The following ARHGAP42 variants were observed in gnomAD, a reference collection of about 807,000 sequenced individuals.
ARHGAP42 encodes Rho GTPase activating protein 42, also known as rho GTPase-activating protein 42.
In ARHGAP42, 63 loss-of-function variants were observed where a neutral mutation model predicts 125.0. The ratio of observed to expected loss-of-function variants is 0.50; its 90% CI spans 0.41 to 0.62. The LOEUF is 0.62. Among genes scored for constraint, ARHGAP42 ranks in the 20% least tolerant of loss-of-function variants. The pLI is 0.00. For synonymous variants in ARHGAP42, 339 were observed against 351.0 expected (o/e 0.97, Z 0.38); for missense variants, 766 against 1,024.2 (o/e 0.75, Z 3.44).
At chr11:100,714,395 G>A (rs1044435154) in intron 1 of ARHGAP42, among the ~76,000 whole-genome samples, 2 of 85,966 alleles carry the variant, frequency 2.3e-5, no homozygotes, top group Non-Finnish European at 4.5e-5. Context: ...AAATTTGTGT[G>A]TGTGTGTGTG....
intron 3 of ARHGAP42, among the ~76,000 whole-genome samples, chr11:100,825,211 G>T (rs1163799581): frequency 6.6e-6 from 1 of 152,106 alleles, no homozygotes; most frequent in Non-Finnish European, 1.5e-5. Flanking sequence ...TAATGTAGAT[G>T]CTTTCAGGCT....
chr11:100,717,497 C>G (rs377480123), intron 1 of ARHGAP42, among the ~76,000 whole-genome samples: 5 of 151,780 alleles, frequency 3.3e-5, no homozygotes, highest in Admixed American at 6.6e-5. Context: ...ATTAGCTGGA[C>G]GTGGTGGCGG....
At chr11:100,789,483 C>A (rs1958108573) in intron 2 of ARHGAP42, among the ~76,000 whole-genome samples, 1 of 152,168 alleles carries the variant, frequency 6.6e-6, no homozygotes, top group African/African-American at 2.4e-5. Flanking sequence ...TCTCTCTGGG[C>A]ATGAGTGAGC....
At chr11:100,974,406 A>G in intron 18 of ARHGAP42, 53 bp from the exon 19 acceptor site, 1 of 1,503,134 alleles carries the variant, frequency 6.7e-7, no homozygotes, top group Non-Finnish European at 9.0e-7. Context: ...TTTTATAATG[A>G]AAGTGGCAAT....
At chr11:100,777,001 A>T (rs899569487) in intron 2 of ARHGAP42, among the ~76,000 whole-genome samples, 1 of 145,270 alleles carries the variant, frequency 6.9e-6, no homozygotes, top group Non-Finnish European at 1.5e-5. Context: ...AAAAAAAAAA[A>T]CACGAAGAGC....
chr11:100,984,907 A>G (rs894773538), intron 22 of ARHGAP42, among the ~76,000 whole-genome samples: 1 of 152,226 alleles, frequency 6.6e-6, no homozygotes, highest in East Asian at 1.9e-4. Flanking sequence ...CAGAGTCTAC[A>G]TTAAATCATC....
intron 2 of ARHGAP42, among the ~76,000 whole-genome samples, chr11:100,779,980 T>G (rs1215122087): frequency 6.6e-6 from 1 of 151,580 alleles, no homozygotes; most frequent in Non-Finnish European, 1.5e-5. Flanking sequence ...GATCCAAGAT[T>G]GCGCCACTGC....
At chr11:100,837,666 C>CTTTTTTTTTTTTGTTT (rs1864831534) in intron 3 of ARHGAP42, among the ~76,000 whole-genome samples, 1 of 61,042 alleles carries the variant, frequency 1.6e-5, no homozygotes, top group Non-Finnish European at 3.0e-5. Context: ...AGGTGTCATC[C>CTTTTTTTTTTTTGTTT]TTTTTTTTTT....
intron 3 of ARHGAP42, among the ~76,000 whole-genome samples, chr11:100,817,648 G>C (rs1437992112): frequency 2.0e-5 from 3 of 152,130 alleles, no homozygotes; most frequent in Admixed American, 2.0e-4. Context: ...GTATAAGCCA[G>C]ACATTACTCT....
At chr11:100,837,270 G>A (rs912996262) in intron 3 of ARHGAP42, among the ~76,000 whole-genome samples, 1 of 151,882 alleles carries the variant, frequency 6.6e-6, no homozygotes, top group Non-Finnish European at 1.5e-5. Context: ...AAATTAGGAA[G>A]TTTAACACAG....
intron 3 of ARHGAP42, among the ~76,000 whole-genome samples, chr11:100,816,389 G>A (rs573203678): frequency 6.6e-6 from 1 of 152,172 alleles, no homozygotes; most frequent in East Asian, 1.9e-4. Context: ...TCTTAGACAT[G>A]GTTGGGGTGG....
chr11:100,766,523 G>A (rs1862833192), intron 1 of ARHGAP42, among the ~76,000 whole-genome samples: 1 of 152,076 alleles, frequency 6.6e-6, no homozygotes, highest in African/African-American at 2.4e-5. Context: ...TCTGTTTTTT[G>A]TGCTGGGTCA....
intron 2 of ARHGAP42, among the ~76,000 whole-genome samples, chr11:100,782,496 A>G (rs1228199348): frequency 6.6e-6 from 1 of 152,244 alleles, no homozygotes; most frequent in South Asian, 2.1e-4. Context: ...AATGGAACTA[A>G]TTGGCAAAAA....
At chr11:100,953,404 T>A (rs974508566) in intron 12 of ARHGAP42, among the ~76,000 whole-genome samples, 1 of 152,220 alleles carries the variant, frequency 6.6e-6, no homozygotes, top group South Asian at 2.1e-4. Context: ...GTAAAATATA[T>A]AACTTAGGTA....
At chr11:100,848,686 A>G (rs1487465969) in intron 3 of ARHGAP42, among the ~76,000 whole-genome samples, 1 of 151,828 alleles carries the variant, frequency 6.6e-6, no homozygotes, top group South Asian at 2.1e-4. Context: ...TTTTATTTTT[A>G]GTAGAGACAG....
At chr11:100,915,608 A>G (rs145031588) in intron 5 of ARHGAP42, among the ~76,000 whole-genome samples, 1 of 152,214 alleles carries the variant, frequency 6.6e-6, no homozygotes, top group African/African-American at 2.4e-5. Flanking sequence ...ACTTAGCTCA[A>G]TATTCATTAC....
In ARHGAP42 at chr11:100,935,675, C is replaced by CAGAGAGAG. The variant is rs200179371; in HGVS notation, c.703-527_703-526insGAGAGAGA. ...AGAAGGTCACACACACACACACACA[C>CAGAGAGAG]ACAGAGAGAGAGAGAGAGAGATTCA... On this transcript the variant is annotated intron_variant, in intron 7 of 23. Transcript: ENST00000298815. 6.7e-5 allele frequency among the ~76,000 whole-genome samples: 7 copies of CAGAGAGAG among 104,832 alleles called. 1 individual carries two copies. Among genetic ancestry groups the CAGAGAGAG allele is most frequent in the Admixed American group, 4.4e-4 (5 of 11,280 alleles). The allele number at this position is 104,832 out of a possible 152,430, so 68.8% of individuals were successfully genotyped here.
At chr11:100,755,625 C>T (rs1032405858) in intron 1 of ARHGAP42, among the ~76,000 whole-genome samples, 1 of 152,134 alleles carries the variant, frequency 6.6e-6, no homozygotes. Context: ...AGCTCATTGT[C>T]TTCTTTGAGT....
chr11:100,869,261 C>G (rs1280429596), intron 4 of ARHGAP42, among the ~76,000 whole-genome samples: 1 of 152,016 alleles, frequency 6.6e-6, no homozygotes, highest in Non-Finnish European at 1.5e-5. Flanking sequence ...ATTTTTCAGA[C>G]AGAAAGATGA....
Sources: gnomAD v4.1 joint callset for allele counts (sites outside exome capture counted in the v4.1 genomes callset) on GRCh38, gnomAD v4.1.1 for gene constraint, MANE v1.5 for transcripts, NCBI Gene and HGNC (gene_info 2026-07-23, HGNC 2026-07-21) for gene names.